VEPH1: variants seen among roughly 807,000 people sequenced by gnomAD.
VEPH1 encodes the protein ventricular zone expressed PH domain containing 1.
In VEPH1, 80 loss-of-function variants were observed where a neutral mutation model predicts 85.2. The observed-to-expected ratio is 0.94, with a 90% CI of 0.78 to 1.13. The LOEUF (loss-of-function observed/expected upper bound fraction) is 1.13, where lower values mean the gene tolerates loss of function less well. Ranked by LOEUF, VEPH1 falls within the 50% of genes most tolerant of loss-of-function variation. VEPH1 has a pLI of 0.00. For synonymous variants in VEPH1, 297 were observed against 348.0 expected (o/e 0.85, Z 1.63); for missense variants, 955 against 980.5 (o/e 0.97, Z 0.35).
chr3:157,295,263 A>G (rs964563000), intron 11 of VEPH1, among the ~76,000 whole-genome samples: 48 of 152,122 alleles, frequency 3.2e-4, no homozygotes, highest in African/African-American at 8.2e-4. Flanking sequence ...TACATTAAAA[A>G]TTTAACATTA....
At chr3:157,375,699 C>T (rs569458897) in intron 7 of VEPH1, among the ~76,000 whole-genome samples, 24 of 152,204 alleles carry the variant, frequency 1.6e-4, no homozygotes, top group African/African-American at 5.8e-4. Flanking sequence ...ATTTCCTTCC[C>T]TCCTTTGTAT....
chr3:157,381,952 C>T (rs1398022729), intron 6 of VEPH1, among the ~76,000 whole-genome samples: 1 of 152,158 alleles, frequency 6.6e-6, no homozygotes, highest in Admixed American at 6.5e-5. Context: ...TCTCAACCAT[C>T]ATAAATGATG....
intron 6 of VEPH1, among the ~76,000 whole-genome samples, chr3:157,393,626 G>A (rs1413879555): frequency 6.6e-6 from 1 of 151,970 alleles, no homozygotes; most frequent in Non-Finnish European, 1.5e-5. Flanking sequence ...TTGACATTAT[G>A]GAATATATGC....
At chr3:157,280,987 C>T (rs888550429) in intron 12 of VEPH1, among the ~76,000 whole-genome samples, 1 of 151,950 alleles carries the variant, frequency 6.6e-6, no homozygotes, top group Non-Finnish European at 1.5e-5. Context: ...TGGCCACATG[C>T]CAAGTGCAAT....
At chr3:157,336,470 GCTTA>G (rs1382102500) in intron 9 of VEPH1, among the ~76,000 whole-genome samples, 1 of 152,194 alleles carries the variant, frequency 6.6e-6, no homozygotes, top group Non-Finnish European at 1.5e-5. Flanking sequence ...CCTGGGCACT[GCTTA>G]CCGCTAGTTC....
In VEPH1 at chr3:157,288,360, G is replaced by T. The variant is rs568667880; in HGVS notation, c.2011-1686C>A. On this transcript the variant is annotated intron_variant, in intron 11 of 13. Transcript: ENST00000362010. ...AGGCTGAGGCGTGTAGGCACTGTTTGCACTGCTTATAAGGGATCTAAATAG... is the reference window on the plus strand; with the variant it reads ...AGGCTGAGGCGTGTAGGCACTGTTTTCACTGCTTATAAGGGATCTAAATAG... Among the ~76,000 whole-genome samples, 3 of 152,280 alleles carry T rather than the reference G, an allele frequency of 2.0e-5. No homozygotes were observed. In the East Asian group the frequency reaches 5.8e-4, roughly 29 times the overall value.
chr3:157,275,003 GC>G (rs1334399030), intron 12 of VEPH1, among the ~76,000 whole-genome samples: 1 of 152,072 alleles, frequency 6.6e-6, no homozygotes, highest in Non-Finnish European at 1.5e-5. Context: ...GCTTGTTTCT[GC>G]TTGTTCTCGT....
chr3:157,415,576 A>G (rs1196427486), intron 5 of VEPH1, among the ~76,000 whole-genome samples: 1 of 151,960 alleles, frequency 6.6e-6, no homozygotes, highest in Non-Finnish European at 1.5e-5. Context: ...ATCTCTTCTC[A>G]GCTTTAGCCA....
chr3:157,424,398 G>A lies in VEPH1; in HGVS notation c.696+3924C>T, dbSNP rs534268001. On this transcript the variant is annotated intron_variant, in intron 5 of 13. Coordinates refer to ENST00000362010, the MANE Select transcript of VEPH1 (RefSeq NM_001167912.2). Reference sequence around the variant, plus strand: ...TAAATTGGTACCAGTAGAGTGGGGCGTTGCTGAAAAGATACCTGAAACTGT... The same window carrying A: ...TAAATTGGTACCAGTAGAGTGGGGCATTGCTGAAAAGATACCTGAAACTGT... Among the ~76,000 whole-genome samples, 25 of 152,268 alleles carry A rather than the reference G, an allele frequency of 1.6e-4. No homozygotes were observed. In the East Asian group the frequency reaches 3.3e-3, roughly 20 times the overall value.
At chr3:157,438,314 C>T (rs923544392) in intron 4 of VEPH1, among the ~76,000 whole-genome samples, 1 of 152,040 alleles carries the variant, frequency 6.6e-6, no homozygotes, top group Non-Finnish European at 1.5e-5. Context: ...TTAGGGATTT[C>T]CACGTCTTCT....
intron 4 of VEPH1, among the ~76,000 whole-genome samples, chr3:157,438,809 T>C (rs545857593): frequency 2.5e-4 from 38 of 152,364 alleles, no homozygotes; most frequent in African/African-American, 8.9e-4. Flanking sequence ...AATACTCCTT[T>C]GTATGCCAAA....
intron 5 of VEPH1, among the ~76,000 whole-genome samples, chr3:157,414,588 C>CA (rs541010373): frequency 1.4e-3 from 206 of 152,128 alleles, no homozygotes; most frequent in African/African-American, 3.4e-3. Context: ...ATTTTGATCA[C>CA]AAAAATGTAA....
intron 10 of VEPH1, 29 bp from the exon 11 acceptor site, chr3:157,313,784 A>T: frequency 6.2e-7 from 1 of 1,613,384 alleles, no homozygotes; most frequent in South Asian, 1.1e-5. Flanking sequence ...CAGAAACAGA[A>T]TATACTATGT....
chr3:157,423,128 T>G (rs1196568413), intron 5 of VEPH1, among the ~76,000 whole-genome samples: 1 of 152,234 alleles, frequency 6.6e-6, no homozygotes, highest in Non-Finnish European at 1.5e-5. Flanking sequence ...CAATAACTTT[T>G]TATTAGAATC....
intron 4 of VEPH1, among the ~76,000 whole-genome samples, chr3:157,442,068 T>C (rs1370695230): frequency 1.3e-5 from 2 of 152,122 alleles, no homozygotes; most frequent in Non-Finnish European, 2.9e-5. Context: ...AATATGCAAA[T>C]TGGAAGGGGA....
intron 4 of VEPH1, among the ~76,000 whole-genome samples, chr3:157,441,543 C>T (rs1294750222): frequency 3.9e-5 from 6 of 152,034 alleles, no homozygotes; most frequent in Non-Finnish European, 5.9e-5. Context: ...GGTGTGGTGG[C>T]TCATGCCTGT....
At chr3:157,394,693 C>G (rs1730197692) in intron 6 of VEPH1, among the ~76,000 whole-genome samples, 2 of 152,146 alleles carry the variant, frequency 1.3e-5, no homozygotes, top group Non-Finnish European at 2.9e-5. Flanking sequence ...GTGCCACACA[C>G]TTAAACAACC....
chr3:157,499,020 G>T (rs1739891764), intron 1 of VEPH1, among the ~76,000 whole-genome samples: 2 of 152,162 alleles, frequency 1.3e-5, no homozygotes, highest in Admixed American at 6.5e-5. Context: ...TCTGCAGGTA[G>T]ATATTACCAC....
chr3:157,470,564 C>G (rs1261862669), intron 2 of VEPH1, 35 bp from the exon 3 acceptor site: 1 of 1,597,796 alleles, frequency 6.3e-7, no homozygotes, highest in Non-Finnish European at 8.6e-7. Context: ...TTAAATAATA[C>G]TCTAGAAAGT....
Sources: allele counts gnomAD v4.1 joint callset (sites outside exome capture counted in the v4.1 genomes callset), GRCh38; gene constraint gnomAD v4.1.1; transcripts MANE v1.5; gene names NCBI Gene and HGNC (gene_info 2026-07-23, HGNC 2026-07-21).